The following COL18A1 variants were observed in gnomAD, a reference collection of about 807,000 sequenced individuals.
The protein encoded by COL18A1 is collagen alpha-1(XVIII) chain.
COL18A1 carries 133 observed loss-of-function variants against 168.0 expected under a neutral mutation model. That is an observed-to-expected ratio of 0.79 (90% CI 0.69 to 0.91). The LOEUF (loss-of-function observed/expected upper bound fraction) is 0.91, where lower values mean the gene tolerates loss of function less well. Ranked by LOEUF, COL18A1 falls within the 40% of genes least tolerant of loss-of-function variation. The pLI, the probability that COL18A1 is intolerant of heterozygous loss-of-function variation, is 0.00. For missense variants in COL18A1, 2,126 were observed against 1,925.4 expected (o/e 1.10, Z -1.95); for synonymous variants, 949 against 809.0 (o/e 1.17, Z -2.94).
Position 45,425,049 on chromosome 21 carries a change from C to T in COL18A1, c.106+19576C>T, listed in dbSNP as rs2033748704. The stretch of plus-strand genomic sequence containing the variant: ...ATTCGCAGGAGGTTTCTCAGATGCC[C>T]CGGGCTCGGGGGCCAGTCAGTCTCA... On this transcript the variant is annotated intron_variant, in intron 2 of 41. Coordinates refer to ENST00000651438, the MANE Select transcript of COL18A1 (RefSeq NM_001379500.1). The surrounding 1 kb of genome is among the most constrained non-coding windows in gnomAD (Gnocchi z 4.1). 6.6e-6 allele frequency: 1 copy of T among 152,366 alleles called. No homozygotes were observed. The highest frequency in any genetic ancestry group is 6.5e-5 in the Admixed American group (1 of 15,314). 9.4% of individuals were successfully genotyped at this position (152,366 alleles called of 1,614,324 possible). A position where few individuals can be genotyped will look rare whatever the true frequency, so the allele number is the denominator to read the frequency against.
At position 45,423,516 on chromosome 21, in the gene COL18A1, C is replaced by G. The variant is rs889611228; in HGVS notation, c.106+18043C>G. On this transcript the variant is annotated intron_variant, in intron 2 of 41. Coordinates refer to ENST00000651438, the MANE Select transcript of COL18A1 (RefSeq NM_001379500.1). The surrounding 1 kb of genome is among the most constrained non-coding windows in gnomAD (Gnocchi z 4.0). ...CCCGCCCCCCGCCCCCCGGAGGGCC[C>G]GGCTCCAAGGGTCATATGAGTGGAT... Among the ~76,000 whole-genome samples the G allele has an allele frequency of 6.8e-6, 1 of 148,054 alleles. No homozygotes were observed. The highest frequency in any genetic ancestry group is 2.4e-5 in the African/African-American group (1 of 40,908).
chr21:45,419,805 T>A (rs2123537257), intron 2 of COL18A1: 1 of 152,300 alleles, frequency 6.6e-6, no homozygotes, highest in South Asian at 2.1e-4. Flanking sequence ...CAGCGCTGCC[T>A]GGAATAAAAA....
intron 2 of COL18A1, among the ~76,000 whole-genome samples, chr21:45,434,318 G>A (rs1412298379): frequency 6.6e-6 from 1 of 152,184 alleles, no homozygotes; most frequent in African/African-American, 2.4e-5. Flanking sequence ...GCCCGTGCTG[G>A]GACGGGCGCA....
chr21:45,480,964 C>A, intron 13 of COL18A1, 106 bp downstream of exon 13: 1 of 1,454,540 alleles, frequency 6.9e-7, no homozygotes, highest in South Asian at 1.2e-5. Flanking sequence ...CCCCAGTCCC[C>A]GCCTCCTCAC....
chr21:45,490,550 TCCTGGGTCTCCGTGTGCCCTCTCAGGTC>T (rs1420165873), intron 20 of COL18A1, among the ~76,000 whole-genome samples: 2 of 92,586 alleles, frequency 2.2e-5, no homozygotes, highest in African/African-American at 5.5e-5. Context: ...CCGTGTGCCC[TCCTGGGTCTCCGTGTGCCCTCTCAGGTC>T]CCTGGGCCTC....
rs1046878237 is a variant in COL18A1, at chr21:45,510,398, T to G, written c.3693+137T>G. ...GACACTGGCGCCTAGGCTGGCGACT[T>G]CAGGGCAGGCTCCGGGTGGGTCACA... is the stretch of plus-strand genomic sequence containing the variant. On this transcript the variant is annotated intron_variant, in intron 40 of 41. Coordinates refer to ENST00000651438, the MANE Select transcript of COL18A1 (RefSeq NM_001379500.1). 4 of 1,015,206 alleles carry G rather than the reference T, an allele frequency of 3.9e-6. No individual in the cohort carries two copies. The Admixed American group carries it at 8.2e-5, about 21-fold the overall frequency. 62.9% of individuals were successfully genotyped at this position (1,015,206 alleles called of 1,614,324 possible).
At chr21:45,484,663 T>TAC (rs3028015) in intron 15 of COL18A1, among the ~76,000 whole-genome samples, 1 of 151,490 alleles carries the variant, frequency 6.6e-6, no homozygotes, top group Non-Finnish European at 1.5e-5. Context: ...TATGTGCACA[T>TAC]ACACACACAT....
chr21:45,476,606 A>ATG, intron 6 of COL18A1, 126 bp downstream of exon 6: 1 of 1,215,080 alleles, frequency 8.2e-7, no homozygotes, highest in Non-Finnish European at 1.2e-6. Context: ...TATATGGTAC[A>ATG]TGTGTGTGTG....
chr21:45,474,391 A>ATGTCTC lies in COL18A1; in HGVS notation c.738+413_738+414insCTCTGT, dbSNP rs77030458. Among the ~76,000 whole-genome samples, 590 of 135,056 alleles carry ATGTCTC rather than the reference A, an allele frequency of 4.4e-3. 9 individuals carry two copies. Among genetic ancestry groups the ATGTCTC allele is most frequent in the African/African-American group, 0.016 (569 of 36,652 alleles). The allele number at this position is 135,056 out of a possible 152,430, so 88.6% of individuals were successfully genotyped here. A position where few individuals can be genotyped will look rare whatever the true frequency, so the allele number is the denominator to read the frequency against. The stretch of plus-strand genomic sequence containing the variant: ...CTGTCTTGTGTGTTGTGTGTGTTGT[A>ATGTCTC]TGTGTGTCTCTGGTGTGTCTGTCTT... On this transcript the variant is annotated intron_variant, in intron 4 of 41. Transcript: ENST00000651438.
At chr21:45,438,266 A>C (rs1454335813) in intron 2 of COL18A1, among the ~76,000 whole-genome samples, 1 of 116,054 alleles carries the variant, frequency 8.6e-6, no homozygotes, top group Non-Finnish European at 1.8e-5. Context: ...ACACACTCAC[A>C]CTCAGACACA....
rs527763449 is a variant in COL18A1 at position 45,408,306 on chromosome 21, G to A, written c.106+2833G>A. On this transcript the variant is annotated intron_variant, in intron 2 of 41. Transcript: ENST00000651438. Reference sequence around the variant, plus strand: ...CACAGGTGCACATTCCCAGTCACGCGAAGTGCAGGGGCACAACTGTGTACA... The same window carrying A: ...CACAGGTGCACATTCCCAGTCACGCAAAGTGCAGGGGCACAACTGTGTACA... 1.1e-4 allele frequency among the ~76,000 whole-genome samples: 16 copies of A among 152,356 alleles called. 1 individual carries two copies. The East Asian group carries it at 1.4e-3, about 13-fold the overall frequency.
Position 45,480,724 on chromosome 21 carries a change from C to T in COL18A1, c.1477C>T (p.Pro493Ser), listed in dbSNP as rs759046238. 6.2e-6 allele frequency: 10 copies of T among 1,610,644 alleles called. No individual in the cohort carries two copies. In the South Asian group the frequency reaches 9.9e-5, roughly 16 times the overall value. ...LRGPRGFPGP[P>S]GPPGVPGLPG... ...GGGTCCTCGAGGCTTCCCTGGACCT[C>T]CCGGACCCCCCGGTGTCCCAGGCCT... Residue 493 changes from proline (P) to serine (S), a missense_variant, in exon 13 of 42, where the codon CCC (proline) becomes TCC (serine). Transcript: ENST00000651438.
chr21:45,430,192 C>A (rs1454300339), intron 2 of COL18A1, among the ~76,000 whole-genome samples: 5 of 151,998 alleles, frequency 3.3e-5, no homozygotes, highest in African/African-American at 9.7e-5. Flanking sequence ...GGTTTGGGGG[C>A]CCCCTATCTT....
Position 45,443,099 on chromosome 21 carries a change from C to CGGT in COL18A1, c.107-25141_107-25140insTGG, listed in dbSNP as rs1569292156. On this transcript the variant is annotated intron_variant, in intron 2 of 41. Transcript: ENST00000651438. The surrounding 1 kb of genome is among the most constrained non-coding windows in gnomAD (Gnocchi z 5.2). ...TGGGTGGTGGTGGTGCTGATGTGGG[C>CGGT]GGCGGTGCTGGTGTGGGCGGCGGTG... 1.5e-5 allele frequency among the ~76,000 whole-genome samples: 1 copy of CGGT among 65,342 alleles called. No individual in the cohort carries two copies. Among genetic ancestry groups the CGGT allele is most frequent in the Non-Finnish European group, 3.5e-5 (1 of 28,512 alleles). The allele number at this position is 65,342 out of a possible 152,430, so 42.9% of individuals were successfully genotyped here. A position where few individuals can be genotyped will look rare whatever the true frequency, so the allele number is the denominator to read the frequency against.
At chr21:45,407,407 G>A (rs1413008544) in intron 2 of COL18A1, 1 of 152,224 alleles carries the variant, frequency 6.6e-6, no homozygotes, top group African/African-American at 2.4e-5. Context: ...TGTCAGGATT[G>A]GTCGCTGTGA....
rs748109875 is a variant in COL18A1, at chr21:45,505,449, C to T, written c.3087+18C>T. ...CCTCAGGGGTAAGTGTCTGGGCAGC[C>T]GGCTGGGCACCTGCGTCCCGTGCCC... On this transcript the variant is annotated intron_variant, in intron 36 of 41. Transcript: ENST00000651438. 31 of 1,417,236 alleles carry T rather than the reference C, an allele frequency of 2.2e-5. No individual in the cohort carries two copies. The highest frequency in any genetic ancestry group is 5.7e-5 in the Admixed American group (3 of 52,318). 87.8% of individuals were successfully genotyped at this position (1,417,236 alleles called of 1,614,324 possible).
chr21:45,441,502 G>C (rs1166662259), intron 2 of COL18A1, among the ~76,000 whole-genome samples: 1 of 152,304 alleles, frequency 6.6e-6, no homozygotes, highest in East Asian at 1.9e-4. Flanking sequence ...AGGGCTGCCA[G>C]CTCCTGGCCT....
At chr21:45,434,011 A>G (rs1242830230) in intron 2 of COL18A1, among the ~76,000 whole-genome samples, 2 of 109,472 alleles carry the variant, frequency 1.8e-5, no homozygotes, top group African/African-American at 9.6e-5. Context: ...TGCCAAACAG[A>G]TGTGTGTGCA....
At chr21:45,485,419 C>A (rs2036075791) in intron 15 of COL18A1, among the ~76,000 whole-genome samples, 1 of 151,808 alleles carries the variant, frequency 6.6e-6, no homozygotes, top group South Asian at 2.1e-4. Context: ...TTATTTGAGT[C>A]CAGGAGTTCA....
Sources: allele counts gnomAD v4.1 joint callset (sites outside exome capture counted in the v4.1 genomes callset), GRCh38; gene constraint gnomAD v4.1.1; non-coding constraint Gnocchi (gnomAD v3.1); transcripts MANE v1.5; gene names NCBI Gene and HGNC (gene_info 2026-07-23, HGNC 2026-07-21).